RIGI: variants seen among roughly 807,000 people sequenced by gnomAD.
RIGI encodes RNA sensor RIG-I.
chr9:32,466,122 T>C, the RIGI span, among the ~76,000 whole-genome samples: 1 of 152,238 alleles, frequency 6.6e-6, no homozygotes, highest in Admixed American at 6.5e-5. Context: ...TTAAATATAA[T>C]TTAACCTCAT....
the RIGI span, chr9:32,473,170 G>A: frequency 1.5e-3 from 1,017 of 661,438 alleles, 5 homozygotes; most frequent in African/African-American, 0.018. Context: ...GTTAGTACAC[G>A]TACAGTTTTC....
the RIGI span, among the ~76,000 whole-genome samples, chr9:32,514,286 T>C: frequency 6.6e-6 from 1 of 152,296 alleles, no homozygotes; most frequent in East Asian, 1.9e-4. Context: ...GTATGTGTCT[T>C]GCGGCATTGT....
chr9:32,521,924 T>C, the RIGI span, among the ~76,000 whole-genome samples: 7 of 152,218 alleles, frequency 4.6e-5, no homozygotes, highest in Non-Finnish European at 7.3e-5. Flanking sequence ...TGTTTTGCAT[T>C]GATTCTTTTC....
the RIGI span, among the ~76,000 whole-genome samples, chr9:32,515,653 C>T: frequency 2.6e-5 from 4 of 152,202 alleles, no homozygotes; most frequent in Admixed American, 2.6e-4. Context: ...ACTTCCTTGC[C>T]CTCTATTTAT....
the RIGI span, among the ~76,000 whole-genome samples, chr9:32,460,828 T>C: frequency 6.6e-6 from 1 of 152,010 alleles, no homozygotes; most frequent in East Asian, 1.9e-4. Flanking sequence ...AATGATGTCA[T>C]GGCACTGGAG....
the RIGI span, chr9:32,468,052 T>C: frequency 4.6e-6 from 4 of 875,926 alleles, no homozygotes; most frequent in Non-Finnish European, 6.8e-6. Context: ...GTACTTTATA[T>C]CCATGATCTC....
chr9:32,472,994 G>A, the RIGI span: 27 of 1,608,548 alleles, frequency 1.7e-5, no homozygotes, highest in African/African-American at 3.1e-4. Context: ...GATTTGTTTT[G>A]CCACGTCCAG....
At chr9:32,476,847 C>G in the RIGI span, 1 of 753,820 alleles carries the variant, frequency 1.3e-6, no homozygotes, top group South Asian at 2.2e-5. Context: ...GTCTTGAACT[C>G]TTGGCCCCAA....
chr9:32,509,438 C>G, the RIGI span, among the ~76,000 whole-genome samples: 3 of 152,242 alleles, frequency 2.0e-5, no homozygotes, highest in African/African-American at 4.8e-5. Context: ...GCAGCCTCCA[C>G]TGGTGATACC....
At chr9:32,504,605 G>C in the RIGI span, among the ~76,000 whole-genome samples, 1 of 151,320 alleles carries the variant, frequency 6.6e-6, no homozygotes, top group African/African-American at 2.4e-5. Flanking sequence ...TTGAACCCCA[G>C]AGATGGAGGC....
the RIGI span, among the ~76,000 whole-genome samples, chr9:32,478,119 C>T: frequency 6.6e-6 from 1 of 151,920 alleles, no homozygotes; most frequent in African/African-American, 2.4e-5. Flanking sequence ...TCTTGGCTCA[C>T]TGCAACCTCT....
the RIGI span, chr9:32,485,042 C>A: frequency 1.6e-6 from 1 of 617,584 alleles, no homozygotes; most frequent in East Asian, 2.8e-5. Flanking sequence ...CCTAAATAAC[C>A]TATAATCAAG....
the RIGI span, chr9:32,485,181 C>T: frequency 6.3e-7 from 1 of 1,597,330 alleles, no homozygotes; most frequent in Non-Finnish European, 8.5e-7. Flanking sequence ...TCACCGAGGT[C>T]TTTGCAGATT....
the RIGI span, chr9:32,467,981 C>T: frequency 6.7e-7 from 1 of 1,484,654 alleles, no homozygotes; most frequent in Non-Finnish European, 9.0e-7. Context: ...GAGGGAACTT[C>T]CCCCTTGAAA....
the RIGI span, among the ~76,000 whole-genome samples, chr9:32,516,558 A>G: frequency 6.6e-6 from 1 of 152,168 alleles, no homozygotes; most frequent in South Asian, 2.1e-4. Context: ...CCTGATTGCT[A>G]GGAAGAACAG....
the RIGI span, chr9:32,525,963 G>T: frequency 2.1e-6 from 2 of 958,750 alleles, no homozygotes; most frequent in Non-Finnish European, 3.3e-6. Flanking sequence ...TGGGGAGTCT[G>T]GCAGGCTCTC....
the RIGI span, among the ~76,000 whole-genome samples, chr9:32,511,342 C>T: frequency 2.6e-5 from 4 of 152,136 alleles, no homozygotes; most frequent in Non-Finnish European, 5.9e-5. Context: ...GGAAATAAAA[C>T]ACTCCTCAGC....
At chr9:32,485,147 A>C in the RIGI span, 153 of 1,511,874 alleles carry the variant, frequency 1.0e-4, no homozygotes, top group African/African-American at 1.9e-3. Flanking sequence ...CCCAGTAGAG[A>C]GAACACAAAA....
At chr9:32,518,107 T>C in the RIGI span, among the ~76,000 whole-genome samples, 1 of 152,078 alleles carries the variant, frequency 6.6e-6, no homozygotes, top group African/African-American at 2.4e-5. Context: ...TTCTAGTTCA[T>C]ATGTAATTCT....
Sources: allele counts gnomAD v4.1 joint callset (sites outside exome capture counted in the v4.1 genomes callset), GRCh38; gene constraint gnomAD v4.1.1; transcripts MANE v1.5; gene names NCBI Gene and HGNC (gene_info 2026-07-23, HGNC 2026-07-21).